Variants in CPS1 observed in about 807,000 individuals in gnomAD.
The protein encoded by CPS1 is carbamoyl-phosphate synthase 1, also known as carbamoyl-phosphate synthase [ammonia], mitochondrial.
CPS1 carries 109 observed loss-of-function variants against 174.6 expected under a neutral mutation model. The observed-to-expected ratio is 0.62, with a 90% confidence interval of 0.53 to 0.73. The LOEUF (loss-of-function observed/expected upper bound fraction) is 0.73, where lower values mean the gene tolerates loss of function less well. CPS1 is among the 30% of genes least tolerant of loss of function. The pLI is 0.00. For missense variants in CPS1, 1,689 were observed against 1,821.9 expected, an observed-to-expected ratio of 0.93 and a Z score of 1.33; for synonymous variants, 637 against 632.0, an observed-to-expected ratio of 1.01 and a Z score of -0.12.
chr2:210,544,032 G>A (rs1003806453), intron 1 of CPS1, among the ~76,000 whole-genome samples: 3 of 151,962 alleles, frequency 2.0e-5, no homozygotes, highest in Non-Finnish European at 4.4e-5. Flanking sequence ...TCATTAACTC[G>A]TACACATCCC....
chr2:210,676,424 G>A (rs1357282379), intron 36 of CPS1, among the ~76,000 whole-genome samples: 2 of 152,200 alleles, frequency 1.3e-5, no homozygotes, highest in African/African-American at 2.4e-5. Context: ...TAAGTACATA[G>A]GAGATAATTC....
At position 210,595,536 on chromosome 2, in the gene CPS1, C is replaced by A; in HGVS notation, c.1313C>A (p.Ala438Asp). The A allele has an allele frequency of 1.2e-6, 2 of 1,611,546 alleles. No homozygotes were observed. The highest frequency in any genetic ancestry group is 1.7e-6 in the Non-Finnish European group (2 of 1,178,412). Residue 438 changes from alanine (A) to aspartate (D), a missense_variant, in exon 13 of 38, where the codon GCT becomes GAT. Ala to Asp is a moderately radical substitution (Grantham distance 126). Transcript: ENST00000233072. ...LGSGGLSIGQ[A>D]GEFDYSGSQA... ...TCAGGAGGTCTGTCCATTGGTCAGG[C>A]TGGAGAATTTGATTACTCAGGATCT...
chr2:210,644,462 A>C (rs4363965), intron 25 of CPS1, among the ~76,000 whole-genome samples: 2,741 of 152,060 alleles, frequency 0.018, 33 homozygotes, highest in Non-Finnish European at 0.026. Context: ...ATGTAATCCT[A>C]AAATACTGCC....
intron 1 of CPS1, among the ~76,000 whole-genome samples, chr2:210,564,866 G>A (rs1213256782): frequency 1.3e-5 from 2 of 151,964 alleles, no homozygotes; most frequent in Admixed American, 1.3e-4. Flanking sequence ...GTGGCGCAAA[G>A]TGCCTGTAAT....
chr2:210,571,038 C>T (rs2106068247), intron 1 of CPS1, among the ~76,000 whole-genome samples: 1 of 152,014 alleles, frequency 6.6e-6, no homozygotes, highest in African/African-American at 2.4e-5. Context: ...AGCACATTAT[C>T]AGAAGAAACA....
chr2:210,489,757 G>T (rs1354671862), intron 1 of CPS1, among the ~76,000 whole-genome samples: 4 of 152,036 alleles, frequency 2.6e-5, no homozygotes, highest in Non-Finnish European at 5.9e-5. Context: ...GGAAGGAAGG[G>T]AGAGGCCGAG....
intron 31 of CPS1, 23 bp downstream of exon 31, chr2:210,658,711 A>G: frequency 6.6e-7 from 1 of 1,510,130 alleles, no homozygotes; most frequent in Non-Finnish European, 9.2e-7. Flanking sequence ...AAGGTGCCTG[A>G]GAGGACACCA....
intron 1 of CPS1, among the ~76,000 whole-genome samples, chr2:210,565,015 A>AAAATAAAT (rs562861337): frequency 6.6e-6 from 1 of 151,284 alleles, no homozygotes; most frequent in Non-Finnish European, 1.5e-5. Context: ...AATAAAAATA[A>AAAATAAAT]AAATAAATAA....
intron 7 of CPS1, 44 bp downstream of exon 7, chr2:210,588,191 AC>A: frequency 6.5e-7 from 1 of 1,531,246 alleles, no homozygotes; most frequent in Non-Finnish European, 9.0e-7. Context: ...TGTCATATTG[AC>A]CATTAGTGTT....
chr2:210,573,490 T>C, intron 2 of CPS1, 83 bp downstream of exon 2: 1 of 1,060,268 alleles, frequency 9.4e-7, no homozygotes, highest in Non-Finnish European at 1.5e-6. Flanking sequence ...TAAGTTGAAA[T>C]CACTGCATCG....
chr2:210,602,195 T>C lies in CPS1; in HGVS notation c.1708-7T>C. 1 of 1,612,102 alleles carries C rather than the reference T, an allele frequency of 6.2e-7. No individual in the cohort carries two copies. Among genetic ancestry groups the C allele is most frequent in the Non-Finnish European group, 8.5e-7 (1 of 1,178,876 alleles). ...TTAAAATGTTGAGTCCTTGTTCTTG[T>C]TGACAGATTGAGGATGCACTGAAGG... On this transcript the variant is annotated splice_polypyrimidine_tract_variant and splice_region_variant and intron_variant, in intron 15 of 37. Transcript: ENST00000233072.
intron 1 of CPS1, among the ~76,000 whole-genome samples, chr2:210,535,356 C>T (rs1696218125): frequency 6.6e-6 from 1 of 152,154 alleles, no homozygotes; most frequent in South Asian, 2.1e-4. Flanking sequence ...ATCTCTCTTA[C>T]CCCGTTCCCC....
At chr2:210,663,249 A>G in intron 33 of CPS1, 52 bp downstream of exon 33, 2 of 1,515,750 alleles carry the variant, frequency 1.3e-6, no homozygotes, top group East Asian at 2.3e-5. Context: ...TTTGAAATCT[A>G]TGGTTTTATG....
At chr2:210,611,930 A>C (rs533510968) in intron 19 of CPS1, among the ~76,000 whole-genome samples, 187 bp from the exon 20 acceptor site, 1 of 151,676 alleles carries the variant, frequency 6.6e-6, no homozygotes, top group East Asian at 2.0e-4. Flanking sequence ...CATTATACCA[A>C]AACCATGGAG....
intron 1 of CPS1, among the ~76,000 whole-genome samples, chr2:210,539,541 T>A (rs1696347098): frequency 6.6e-6 from 1 of 152,136 alleles, no homozygotes; most frequent in African/African-American, 2.4e-5. Flanking sequence ...CCTTGCTTGG[T>A]CAATTTGTTC....
intron 1 of CPS1, among the ~76,000 whole-genome samples, chr2:210,500,145 G>A (rs1695102639): frequency 6.6e-6 from 1 of 151,948 alleles, no homozygotes; most frequent in Non-Finnish European, 1.5e-5. Flanking sequence ...ACAGCATGGG[G>A]GAACCGCCCC....
intron 1 of CPS1, among the ~76,000 whole-genome samples, chr2:210,494,174 T>C (rs2105954631): frequency 6.6e-6 from 1 of 152,332 alleles, no homozygotes; most frequent in African/African-American, 2.4e-5. Flanking sequence ...GCTGTGACAA[T>C]GTTAATTTCA....
At chr2:210,584,923 C>G (rs1559089295) in intron 6 of CPS1, among the ~76,000 whole-genome samples, 1 of 152,026 alleles carries the variant, frequency 6.6e-6, no homozygotes, top group Non-Finnish European at 1.5e-5. Context: ...TTGTTTGCTT[C>G]TCTACGTAGA....
At chr2:210,500,810 A>G (rs1695118935) in intron 1 of CPS1, among the ~76,000 whole-genome samples, 1 of 152,160 alleles carries the variant, frequency 6.6e-6, no homozygotes, top group Non-Finnish European at 1.5e-5. Flanking sequence ...CCCTCTTCTC[A>G]CAGCTCCACT....
Sources: gnomAD v4.1 joint callset for allele counts (sites outside exome capture counted in the v4.1 genomes callset) on GRCh38, gnomAD v4.1.1 for gene constraint, MANE v1.5 for transcripts, NCBI Gene and HGNC (gene_info 2026-07-23, HGNC 2026-07-21) for gene names.